TANC1: variants seen among roughly 807,000 people sequenced by gnomAD.
The protein encoded by TANC1 is tetratricopeptide repeat, ankyrin repeat and coiled-coil containing 1, also known as protein TANC1.
In TANC1, 77 loss-of-function variants were observed where a neutral mutation model predicts 149.7. The ratio of observed to expected loss-of-function variants is 0.51; its 90% CI spans 0.43 to 0.62. The LOEUF (loss-of-function observed/expected upper bound fraction) is 0.62, where lower values mean the gene tolerates loss of function less well. Ranked by LOEUF, TANC1 falls within the 20% of genes least tolerant of loss-of-function variation. TANC1 has a pLI of 0.00. For missense variants in TANC1, 1,985 were observed against 2,321.8 expected (o/e 0.85, Z 2.98); for synonymous variants, 854 against 925.0 (o/e 0.92, Z 1.39).
chr2:158,993,851 G>T (rs1057185849), intron 1 of TANC1, among the ~76,000 whole-genome samples: 2 of 152,108 alleles, frequency 1.3e-5, no homozygotes, highest in Non-Finnish European at 2.9e-5. Context: ...GTCCTGAATT[G>T]CCTTTATTCC....
chr2:159,203,288 C>T (rs2058379289), intron 19 of TANC1, among the ~76,000 whole-genome samples: 2 of 149,372 alleles, frequency 1.3e-5, no homozygotes, highest in Non-Finnish European at 3.0e-5. Flanking sequence ...CTCACTGCAA[C>T]CTCCAACTCC....
chr2:159,052,948 A>G (rs2149600687), intron 2 of TANC1, among the ~76,000 whole-genome samples: 1 of 152,356 alleles, frequency 6.6e-6, no homozygotes, highest in South Asian at 2.1e-4. Flanking sequence ...GTGTTTCAAT[A>G]TAATTAGTTT....
rs138938896 is a variant in TANC1, at chr2:159,205,890, C to T, written c.3244+6837C>T. Among the ~76,000 whole-genome samples, 1,239 of 152,300 alleles carry T rather than the reference C, an allele frequency of 8.1e-3. 10 individuals carry two copies. The highest frequency in any genetic ancestry group is 0.027 in the Middle Eastern group (8 of 294). On this transcript the variant is annotated intron_variant, in intron 19 of 26. Coordinates refer to ENST00000263635, the MANE Select transcript of TANC1 (RefSeq NM_033394.3). ...TGGAGAATATGTGTTACATGGAACG[C>T]ACATGGAGGATGCTGTAGAGAAAAC... is the stretch of plus-strand genomic sequence containing the variant.
At chr2:159,150,092 T>C (rs1161774737) in intron 6 of TANC1, 1 of 316,410 alleles carries the variant, frequency 3.2e-6, no homozygotes. Flanking sequence ...GCATCCTCAC[T>C]AAATTATTGC....
chr2:159,047,599 G>C (rs264574), intron 2 of TANC1, among the ~76,000 whole-genome samples: 33,094 of 152,044 alleles, frequency 0.22, 3,930 homozygotes, highest in South Asian at 0.45. Context: ...GAATGCAACA[G>C]TTGGTCTCCC....
chr2:159,082,305 AGG>A (rs952172890), intron 3 of TANC1, among the ~76,000 whole-genome samples: 4 of 151,754 alleles, frequency 2.6e-5, no homozygotes, highest in African/African-American at 9.7e-5. Context: ...CCCTGTACCG[AGG>A]GCTCCTGAGT....
At chr2:158,969,809 C>G (rs1385942227) in intron 1 of TANC1, among the ~76,000 whole-genome samples, 1 of 152,230 alleles carries the variant, frequency 6.6e-6, no homozygotes, top group African/African-American at 2.4e-5. Context: ...GGACGCCAGG[C>G]TCGGCAACGG....
intron 18 of TANC1, 117 bp from the exon 19 acceptor site, chr2:159,198,858 C>A: frequency 1.5e-6 from 1 of 670,084 alleles, no homozygotes; most frequent in Non-Finnish European, 2.7e-6. Context: ...ATTTTTCTCT[C>A]CTTGGGCAGT....
intron 3 of TANC1, among the ~76,000 whole-genome samples, chr2:159,067,210 T>A (rs554706090): frequency 2.6e-4 from 39 of 152,222 alleles, no homozygotes; most frequent in Non-Finnish European, 4.6e-4. Context: ...AATAAGTGGA[T>A]TTCTAACGTT....
chr2:159,127,700 G>A (rs956194464), intron 4 of TANC1, among the ~76,000 whole-genome samples: 15 of 152,200 alleles, frequency 9.9e-5, no homozygotes, highest in Non-Finnish European at 1.6e-4. Flanking sequence ...AACACATACC[G>A]GGGCCCGTCA....
chr2:159,129,081 T>C (rs2049801362), intron 4 of TANC1, among the ~76,000 whole-genome samples: 1 of 152,210 alleles, frequency 6.6e-6, no homozygotes. Context: ...AAATGATTGA[T>C]AACATACAGT....
In TANC1 at chr2:159,178,858, G is replaced by T. The variant is rs1333735740; in HGVS notation, c.2205G>T (p.Glu735Asp). 6.2e-7 allele frequency: 1 copy of T among 1,614,170 alleles called. No individual in the cohort carries two copies. The highest frequency in any genetic ancestry group is 1.1e-5 in the South Asian group (1 of 91,080). Reference protein sequence around the residue: ...SYKVVPVSLSELYLLQCNMKF... With the variant: ...SYKVVPVSLSDLYLLQCNMKF... ...AGGTGGTGCCCGTGTCTCTCTCTGA[G>T]CTCTATTTGCTTCAGTGCAACATGA... Residue 735 changes from glutamate to aspartate, a missense_variant, in exon 14 of 27, where the codon GAG becomes GAT. Coordinates refer to ENST00000263635, the MANE Select transcript of TANC1 (RefSeq NM_033394.3).
At chr2:159,145,645 G>T (rs1267669375) in intron 5 of TANC1, among the ~76,000 whole-genome samples, 1 of 152,188 alleles carries the variant, frequency 6.6e-6, no homozygotes, top group Non-Finnish European at 1.5e-5. Context: ...CTTAGCATTT[G>T]TGCCCCCATA....
chr2:159,141,921 T>C (rs887382867), intron 5 of TANC1, among the ~76,000 whole-genome samples: 2 of 151,836 alleles, frequency 1.3e-5, no homozygotes, highest in African/African-American at 4.8e-5. Context: ...CAGGACAGAG[T>C]GCTTGCAAGG....
rs1435340246 is a variant in TANC1, at chr2:159,207,487, G to A, written c.3244+8434G>A. Among the ~76,000 whole-genome samples the A allele has an allele frequency of 2.6e-5, 4 of 152,002 alleles. No homozygotes were observed. The East Asian group carries it at 7.7e-4, about 29-fold the overall frequency. On this transcript the variant is annotated intron_variant, in intron 19 of 26. Coordinates refer to ENST00000263635, the MANE Select transcript of TANC1 (RefSeq NM_033394.3). ...GAGACTGAGGCGGGTGGATCACGAG[G>A]TCAGGAGTTCAAGACCAGTCTGGCC... is the stretch of plus-strand genomic sequence containing the variant.
chr2:159,216,538 G>A (rs150877976), intron 19 of TANC1, among the ~76,000 whole-genome samples: 105 of 152,268 alleles, frequency 6.9e-4, no homozygotes, highest in African/African-American at 2.3e-3. Flanking sequence ...TTCTTGCGAT[G>A]AGCAGAAGCA....
intron 3 of TANC1, among the ~76,000 whole-genome samples, chr2:159,078,255 A>T (rs1292932129): frequency 6.6e-6 from 1 of 152,348 alleles, no homozygotes; most frequent in African/African-American, 2.4e-5. Context: ...GTCAAAAATT[A>T]AAATTTAAAT....
chr2:159,049,454 G>C (rs1206079540), intron 2 of TANC1, among the ~76,000 whole-genome samples: 1 of 152,184 alleles, frequency 6.6e-6, no homozygotes, highest in South Asian at 2.1e-4. Context: ...TGGGAGTGTG[G>C]ACCATGAGGG....
intron 3 of TANC1, among the ~76,000 whole-genome samples, chr2:159,090,455 C>G (rs2045405945): frequency 6.6e-6 from 1 of 152,158 alleles, no homozygotes; most frequent in African/African-American, 2.4e-5. Flanking sequence ...CTTTAAGGAC[C>G]ATCACCTGTG....
Sources: allele counts gnomAD v4.1 joint callset (sites outside exome capture counted in the v4.1 genomes callset), GRCh38; gene constraint gnomAD v4.1.1; transcripts MANE v1.5; gene names NCBI Gene and HGNC (gene_info 2026-07-23, HGNC 2026-07-21).